EML4: variants seen among roughly 807,000 people sequenced by gnomAD.
EML4 encodes EMAP like 4.
A neutral mutation model predicts 129.0 loss-of-function variants in EML4; 72 were observed. The ratio of observed to expected loss-of-function variants is 0.56; its 90% confidence interval spans 0.46 to 0.68. EML4 has a LOEUF of 0.68. Among genes scored for constraint, EML4 ranks in the 30% least tolerant of loss-of-function variants. EML4 has a pLI of 0.00. For missense variants in EML4, 1,363 were observed against 1,190.6 expected (o/e 1.14, Z -2.13); for synonymous variants, 532 against 405.0 (o/e 1.31, Z -3.77).
At chr2:42,203,327 G>T (rs187022968) in intron 1 of EML4, among the ~76,000 whole-genome samples, 1 of 152,116 alleles carries the variant, frequency 6.6e-6, no homozygotes, top group Non-Finnish European at 1.5e-5. Context: ...CTTTCCATCT[G>T]TGGTAGCCCT....
chr2:42,172,898 CTT>C (rs1225462324), intron 1 of EML4, among the ~76,000 whole-genome samples: 2 of 152,218 alleles, frequency 1.3e-5, no homozygotes, highest in East Asian at 3.9e-4. Context: ...AATTTTAAGA[CTT>C]TTATCTTGGA....
chr2:42,329,960 C>A lies in EML4; in HGVS notation c.2699C>A (p.Pro900Gln), dbSNP rs201541248. Residue 900 changes from proline to glutamine, a missense_variant, in exon 23 of 23, where the codon CCG (proline) becomes CAG (glutamine). By Grantham distance (76) the Pro-to-Gln change is moderately conservative (BLOSUM62 -1). Transcript: ENST00000318522. ...GTCATCCAATCTAATACTCCCACAC[C>A]GCCTCCTTCTCAGCCCTTAAATGAG... Reference protein sequence around the residue: ...ESVIQSNTPTPPPSQPLNETA... With the variant: ...ESVIQSNTPTQPPSQPLNETA... 1 of 1,613,826 alleles carries A rather than the reference C, an allele frequency of 6.2e-7. No individual in the cohort carries two copies. Among genetic ancestry groups the A allele is most frequent in the African/African-American group, 1.3e-5 (1 of 74,830 alleles).
chr2:42,237,307 T>A (rs544489835), intron 1 of EML4, among the ~76,000 whole-genome samples: 2 of 152,214 alleles, frequency 1.3e-5, no homozygotes, highest in Admixed American at 1.3e-4. Context: ...TTTCTCTCTT[T>A]ATTATGTCTT....
At chr2:42,178,272 A>G (rs1317589412) in intron 1 of EML4, among the ~76,000 whole-genome samples, 1 of 152,088 alleles carries the variant, frequency 6.6e-6, no homozygotes, top group Non-Finnish European at 1.5e-5. Flanking sequence ...GCCAGGTGGT[A>G]TAGCTCACAC....
chr2:42,244,315 T>G (rs1392059537), intron 1 of EML4, among the ~76,000 whole-genome samples: 1 of 152,126 alleles, frequency 6.6e-6, no homozygotes, highest in African/African-American at 2.4e-5. Context: ...GCCAGGATGG[T>G]CTCGATCTCC....
intron 19 of EML4, chr2:42,319,859 G>C (rs529860073): frequency 2.0e-5 from 3 of 152,198 alleles, no homozygotes; most frequent in South Asian, 2.1e-4. Context: ...TCAACATTTA[G>C]GTGACTGTTA....
intron 6 of EML4, among the ~76,000 whole-genome samples, chr2:42,267,025 A>ACC (rs1356226654): frequency 1.3e-5 from 2 of 152,206 alleles, no homozygotes; most frequent in Non-Finnish European, 2.9e-5. Context: ...GTAGATGTTT[A>ACC]AACACATGGA....
chr2:42,211,630 T>A (rs1672891479), intron 1 of EML4, among the ~76,000 whole-genome samples: 1 of 152,142 alleles, frequency 6.6e-6, no homozygotes, highest in African/African-American at 2.4e-5. Flanking sequence ...GTTAGAGAGG[T>A]TGAAAACTTT....
At chr2:42,252,361 G>A (rs78258575) in intron 2 of EML4, among the ~76,000 whole-genome samples, 1 of 152,202 alleles carries the variant, frequency 6.6e-6, no homozygotes, top group African/African-American at 2.4e-5. Context: ...GGTTTCCACC[G>A]TGATTCTTAA....
intron 1 of EML4, among the ~76,000 whole-genome samples, chr2:42,191,835 G>A (rs1028528839): frequency 2.0e-5 from 3 of 151,912 alleles, no homozygotes; most frequent in African/African-American, 7.3e-5. Context: ...TGAGGCGGGC[G>A]GATCACCTGA....
intron 1 of EML4, among the ~76,000 whole-genome samples, chr2:42,245,094 C>CTTTTTTTTCTTTTTTTTTT (rs1675303201): frequency 1.5e-5 from 1 of 66,562 alleles, no homozygotes; most frequent in Non-Finnish European, 2.6e-5. Flanking sequence ...AATTTTCTTT[C>CTTTTTTTTCTTTTTTTTTT]TTTTTTTTTT....
intron 13 of EML4, 126 bp from the exon 14 acceptor site, chr2:42,301,114 GT>G (rs2103712025): frequency 4.1e-6 from 3 of 734,090 alleles, no homozygotes; most frequent in South Asian, 2.0e-5. Context: ...CTGAAAATAG[GT>G]TTTTGATTGA....
At chr2:42,259,110 G>A (rs1665543731) in intron 3 of EML4, among the ~76,000 whole-genome samples, 2 of 152,096 alleles carry the variant, frequency 1.3e-5, no homozygotes, top group South Asian at 4.1e-4. Flanking sequence ...AGCTGGGTGT[G>A]GTGGCGGGCG....
At chr2:42,246,966 A>G (rs181131026) in intron 2 of EML4, among the ~76,000 whole-genome samples, 223 of 152,352 alleles carry the variant, frequency 1.5e-3, no homozygotes, top group African/African-American at 5.2e-3. Flanking sequence ...ATTAAGAATA[A>G]TTGTAGAATT....
chr2:42,182,700 A>G (rs72796507), intron 1 of EML4, among the ~76,000 whole-genome samples: 23,110 of 152,150 alleles, frequency 0.15, 1,772 homozygotes, highest in African/African-American at 0.19. Flanking sequence ...TTACATGTCT[A>G]TTGGTCTGCT....
At chr2:42,270,433 G>A (rs1036799016) in intron 6 of EML4, among the ~76,000 whole-genome samples, 38 of 152,144 alleles carry the variant, frequency 2.5e-4, no homozygotes, top group African/African-American at 8.4e-4. Context: ...GGTGGCACAC[G>A]TGTAGTCCCA....
At chr2:42,276,397 C>T (rs1295139874) in intron 6 of EML4, among the ~76,000 whole-genome samples, 1 of 152,140 alleles carries the variant, frequency 6.6e-6, no homozygotes, top group Non-Finnish European at 1.5e-5. Flanking sequence ...AGTGTCCCCA[C>T]CCTCAGTCAT....
At chr2:42,204,240 T>G (rs1310279292) in intron 1 of EML4, among the ~76,000 whole-genome samples, 1 of 152,134 alleles carries the variant, frequency 6.6e-6, no homozygotes, top group African/African-American at 2.4e-5. Context: ...TAAAAAAAAT[T>G]AGAAGTTTTA....
chr2:42,325,561 A>C lies in EML4; in HGVS notation c.2242+7A>C. ...GACTATGAAATATTGTACTGTAAGT[A>C]TGAATGATTTTATATATATATATAT... is the stretch of plus-strand genomic sequence containing the variant. On this transcript the variant is annotated splice_region_variant and intron_variant, in intron 20 of 22. Coordinates refer to ENST00000318522, the MANE Select transcript of EML4 (RefSeq NM_019063.5). The C allele has an allele frequency of 1.0e-6, 1 of 954,000 alleles. No individual in the cohort carries two copies. The highest frequency in any genetic ancestry group is 1.5e-6 in the Non-Finnish European group (1 of 647,688). The allele number at this position is 954,000 out of a possible 1,614,324, so 59.1% of individuals were successfully genotyped here.
Sources: allele counts gnomAD v4.1 joint callset (sites outside exome capture counted in the v4.1 genomes callset), GRCh38; gene constraint gnomAD v4.1.1; transcripts MANE v1.5; gene names NCBI Gene and HGNC (gene_info 2026-07-23, HGNC 2026-07-21).